The following GRID1 variants were observed in gnomAD, a reference collection of about 807,000 sequenced individuals.
GRID1 encodes glutamate ionotropic receptor delta type subunit 1, also known as glutamate receptor ionotropic, delta-1.
GRID1 carries 28 observed loss-of-function variants against 98.0 expected under a neutral mutation model. The ratio of observed to expected loss-of-function variants is 0.29; its 90% CI spans 0.21 to 0.39. The LOEUF (loss-of-function observed/expected upper bound fraction) is 0.39. Among genes scored for constraint, GRID1 ranks in the 10% least tolerant of loss-of-function variants. GRID1 has a pLI of 1.00. For missense variants in GRID1, 1,111 were observed against 1,340.5 expected (o/e 0.83, Z 2.67); for synonymous variants, 553 against 538.5 (o/e 1.03, Z -0.37).
chr10:85,944,661 G>A (rs1016010310), intron 4 of GRID1, among the ~76,000 whole-genome samples: 1 of 152,156 alleles, frequency 6.6e-6, no homozygotes, highest in Non-Finnish European at 1.5e-5. Flanking sequence ...AGAAAGAAAA[G>A]AATGGAAGAG....
At chr10:85,833,887 G>A (rs908181985) in intron 8 of GRID1, among the ~76,000 whole-genome samples, 1 of 152,122 alleles carries the variant, frequency 6.6e-6, no homozygotes, top group Non-Finnish European at 1.5e-5. Flanking sequence ...AGAGGATACA[G>A]TCAGCAAACT....
intron 12 of GRID1, among the ~76,000 whole-genome samples, chr10:85,689,609 C>A (rs1322442907): frequency 3.3e-5 from 5 of 151,892 alleles, no homozygotes; most frequent in South Asian, 2.1e-4. Context: ...ACAACAAAAA[C>A]CAAAAGATAG....
At position 86,356,633 on chromosome 10, in the gene GRID1, G is replaced by A. The variant is rs115012972; in HGVS notation, c.235+7308C>T. Among the ~76,000 whole-genome samples the A allele has an allele frequency of 5.2e-3, 798 of 152,352 alleles. 6 individuals carry two copies. The highest frequency in any genetic ancestry group is 0.018 in the African/African-American group (743 of 41,586). On this transcript the variant is annotated intron_variant, in intron 2 of 15. Transcript: ENST00000327946. Reference sequence around the variant, plus strand: ...CTGACCGGCAATGGACACACAGCAGGAGGAGGAAATACTGTGTCATGAAAG... The same window carrying A: ...CTGACCGGCAATGGACACACAGCAGAAGGAGGAAATACTGTGTCATGAAAG...
In GRID1 at chr10:85,724,399, G is replaced by A. The variant is rs141961994; in HGVS notation, c.1811C>T (p.Thr604Ile). ...GACAATCCAGATGGCGCTGTGCAGA[G>A]TGGCAGAAGCTGACGGCCTGGGCTG... ...AAQPRPSASA[T>I]LHSAIWIVYG... Residue 604 changes from threonine (T) to isoleucine (I), a missense_variant, in exon 11 of 16, where the codon ACT (threonine) becomes ATT (isoleucine). Thr to Ile is a moderately conservative substitution (Grantham distance 89). Transcript: ENST00000327946. The A allele has an allele frequency of 1.4e-4, 230 of 1,614,020 alleles. No individual in the cohort carries two copies. The highest frequency in any genetic ancestry group is 1.9e-4 in the Non-Finnish European group (221 of 1,180,014).
At position 86,245,685 on chromosome 10, in the gene GRID1, C is replaced by T. The variant is rs191984613; in HGVS notation, c.236-39037G>A. On this transcript the variant is annotated intron_variant, in intron 2 of 15. Transcript: ENST00000327946. ...GTGGTGAATGGGCATCTCAGGTGGTCCTTGAAGCCACATGAGTGAGCAGCC... is the reference window on the plus strand; with the variant it reads ...GTGGTGAATGGGCATCTCAGGTGGTTCTTGAAGCCACATGAGTGAGCAGCC... 1.3e-3 allele frequency among the ~76,000 whole-genome samples: 198 copies of T among 152,322 alleles called. 1 individual carries two copies. Among genetic ancestry groups the T allele is most frequent in the Middle Eastern group, 3.4e-3 (1 of 294 alleles).
intron 4 of GRID1, among the ~76,000 whole-genome samples, chr10:86,038,402 T>C (rs1275328787): frequency 6.6e-6 from 1 of 152,188 alleles, no homozygotes; most frequent in Non-Finnish European, 1.5e-5. Context: ...CTGGACATGC[T>C]ACAGTCTTTT....
At chr10:86,356,021 C>T (rs553520179) in intron 2 of GRID1, among the ~76,000 whole-genome samples, 3 of 152,290 alleles carry the variant, frequency 2.0e-5, no homozygotes, top group Non-Finnish European at 2.9e-5. Context: ...GGTGGCTGGG[C>T]AGAGAACCCA....
At chr10:85,626,407 C>T (rs1321114167) in intron 13 of GRID1, among the ~76,000 whole-genome samples, 1 of 152,214 alleles carries the variant, frequency 6.6e-6, no homozygotes, top group East Asian at 1.9e-4. Flanking sequence ...TCTTGGACCA[C>T]TTCCTAGGGG....
At chr10:85,780,738 G>A (rs1240564504) in intron 8 of GRID1, among the ~76,000 whole-genome samples, 3 of 152,202 alleles carry the variant, frequency 2.0e-5, no homozygotes, top group Admixed American at 1.3e-4. Context: ...GTGGGATCCT[G>A]GGTGAGCTAC....
At chr10:85,858,454 C>CTGT in intron 6 of GRID1, among the ~76,000 whole-genome samples, 1 of 152,076 alleles carries the variant, frequency 6.6e-6, no homozygotes, top group African/African-American at 2.4e-5. Context: ...CCACTTGAGG[C>CTGT]CTAGAGGAGC....
intron 4 of GRID1, among the ~76,000 whole-genome samples, chr10:86,053,094 A>G (rs1843523899): frequency 6.6e-6 from 1 of 152,222 alleles, no homozygotes; most frequent in Non-Finnish European, 1.5e-5. Flanking sequence ...TAGTGATACA[A>G]AAAGATGTTT....
chr10:86,054,022 G>GA (rs893006166), intron 4 of GRID1, among the ~76,000 whole-genome samples: 32 of 151,894 alleles, frequency 2.1e-4, no homozygotes, highest in East Asian at 5.8e-4. Context: ...TCTGTAGATG[G>GA]AAAAAAAACA....
At chr10:86,021,632 C>T (rs1843050300) in intron 4 of GRID1, among the ~76,000 whole-genome samples, 1 of 152,144 alleles carries the variant, frequency 6.6e-6, no homozygotes, top group South Asian at 2.1e-4. Context: ...CACATTATTA[C>T]CATCCCATGC....
chr10:85,778,653 A>T (rs1161074567), intron 8 of GRID1, among the ~76,000 whole-genome samples: 1 of 152,206 alleles, frequency 6.6e-6, no homozygotes, highest in Non-Finnish European at 1.5e-5. Context: ...CTTACACTCA[A>T]CAGAAAACCA....
chr10:86,115,779 T>A (rs1455359172), intron 4 of GRID1, among the ~76,000 whole-genome samples: 2 of 152,232 alleles, frequency 1.3e-5, no homozygotes, highest in African/African-American at 4.8e-5. Context: ...AGGAGCCTGC[T>A]GGTCTATTAC....
intron 2 of GRID1, among the ~76,000 whole-genome samples, chr10:86,350,041 G>A (rs1345338135): frequency 6.6e-6 from 1 of 152,260 alleles, no homozygotes. Context: ...CATAGCCAAA[G>A]GCCAAGAAGG....
intron 2 of GRID1, among the ~76,000 whole-genome samples, chr10:86,261,667 G>A (rs1847017388): frequency 6.6e-6 from 1 of 152,186 alleles, no homozygotes; most frequent in Non-Finnish European, 1.5e-5. Context: ...GGAAAAGGCA[G>A]CGCAAGACAG....
intron 3 of GRID1, among the ~76,000 whole-genome samples, chr10:86,159,556 A>G (rs1845291539): frequency 6.6e-6 from 1 of 151,472 alleles, no homozygotes; most frequent in Non-Finnish European, 1.5e-5. Context: ...CTGTGTAAGT[A>G]CACAGTAAAG....
intron 4 of GRID1, among the ~76,000 whole-genome samples, chr10:86,067,844 A>G (rs1843742215): frequency 1.3e-5 from 2 of 152,198 alleles, no homozygotes; most frequent in Admixed American, 1.3e-4. Flanking sequence ...GATCAGGCCA[A>G]GGCCTGAACT....
Sources: gnomAD v4.1 joint callset for allele counts (sites outside exome capture counted in the v4.1 genomes callset) on GRCh38, gnomAD v4.1.1 for gene constraint, MANE v1.5 for transcripts, NCBI Gene and HGNC (gene_info 2026-07-23, HGNC 2026-07-21) for gene names.